Variants in SORBS2 observed in about 807,000 individuals in gnomAD.
SORBS2 encodes sorbin and SH3 domain containing 2, also known as sorbin and SH3 domain-containing protein 2.
Under a neutral mutation model 97.7 loss-of-function variants are expected in SORBS2, and 46 were observed. The ratio of observed to expected loss-of-function variants is 0.47; its 90% confidence interval spans 0.37 to 0.60. The LOEUF is 0.60. SORBS2 is among the 20% of genes least tolerant of loss of function. SORBS2 has a pLI of 0.00. For synonymous variants in SORBS2, 476 were observed against 473.4 expected (o/e 1.01, Z -0.07); for missense variants, 1,316 against 1,282.3 (o/e 1.03, Z -0.40).
intron 9 of SORBS2, among the ~76,000 whole-genome samples, chr4:185,615,780 G>A (rs2096617485): frequency 6.6e-6 from 1 of 152,096 alleles, no homozygotes; most frequent in African/African-American, 2.4e-5. Flanking sequence ...TGTGTTTTAA[G>A]TGCAAAGACA....
chr4:185,829,590 C>T (rs146722838), intron 1 of SORBS2, among the ~76,000 whole-genome samples: 4 of 152,112 alleles, frequency 2.6e-5, no homozygotes, highest in African/African-American at 9.7e-5. Flanking sequence ...ACACACAAAC[C>T]AAGAGATGAC....
At chr4:185,673,100 G>A (rs2097738486) in intron 4 of SORBS2, among the ~76,000 whole-genome samples, 1 of 152,224 alleles carries the variant, frequency 6.6e-6, no homozygotes, top group South Asian at 2.1e-4. Context: ...CTTATACCAA[G>A]TGAAGGCCTG....
At chr4:185,713,261 C>G (rs2098438981) in intron 2 of SORBS2, among the ~76,000 whole-genome samples, 1 of 152,204 alleles carries the variant, frequency 6.6e-6, no homozygotes, top group Non-Finnish European at 1.5e-5. Flanking sequence ...CCCCAGGTCT[C>G]TCCTTGAGTT....
intron 1 of SORBS2, among the ~76,000 whole-genome samples, chr4:185,816,449 G>T (rs564012527): frequency 1.3e-5 from 2 of 152,264 alleles, no homozygotes; most frequent in Admixed American, 6.5e-5. Flanking sequence ...TATCCCAAAG[G>T]TTATTCCAAA....
chr4:185,751,744 A>T (rs1410881643), intron 2 of SORBS2, among the ~76,000 whole-genome samples: 1 of 152,220 alleles, frequency 6.6e-6, no homozygotes, highest in Middle Eastern at 3.2e-3. Context: ...GATGCCTGAC[A>T]TTCCACAGGA....
chr4:185,640,664 T>A (rs1203125130), intron 4 of SORBS2, among the ~76,000 whole-genome samples: 1 of 152,208 alleles, frequency 6.6e-6, no homozygotes, highest in Non-Finnish European at 1.5e-5. Context: ...TAGTATTAAT[T>A]GAGATTTTAA....
chr4:185,797,454 CTT>C (rs2099110270), intron 1 of SORBS2, among the ~76,000 whole-genome samples: 1 of 152,148 alleles, frequency 6.6e-6, no homozygotes, highest in Non-Finnish European at 1.5e-5. Context: ...GGTTCTCTCT[CTT>C]TCTCTCTTTT....
intron 2 of SORBS2, among the ~76,000 whole-genome samples, chr4:185,699,562 T>C (rs6552909): frequency 0.77 from 117,661 of 152,072 alleles, 45,633 homozygotes; most frequent in East Asian, 0.9. Flanking sequence ...GCTGGGATTA[T>C]GGGTGTGAGC....
At position 185,636,783 on chromosome 4, in the gene SORBS2, G is replaced by A. The variant is rs192260865; in HGVS notation, c.397-6185C>T. ...CCTGCCTCGGTCTCCCAAGTAGCTG[G>A]GACTACAGGCACCCGCCACCATGCC... On this transcript the variant is annotated intron_variant, in intron 4 of 14. Coordinates refer to ENST00000418609, the Ensembl canonical transcript of SORBS2. 2.5e-4 allele frequency among the ~76,000 whole-genome samples: 38 copies of A among 152,116 alleles called. No individual in the cohort carries two copies. In the East Asian group the frequency reaches 7.0e-3, roughly 28 times the overall value.
intron 4 of SORBS2, among the ~76,000 whole-genome samples, chr4:185,641,274 A>G (rs927382447): frequency 6.6e-6 from 1 of 152,194 alleles, no homozygotes; most frequent in African/African-American, 2.4e-5. Flanking sequence ...ATGCATGCCA[A>G]TAGAAATTAG....
At chr4:185,816,066 A>G (rs1181289124) in intron 1 of SORBS2, among the ~76,000 whole-genome samples, 1 of 152,184 alleles carries the variant, frequency 6.6e-6, no homozygotes, top group Non-Finnish European at 1.5e-5. Flanking sequence ...TGAGGAGGCT[A>G]CTCTGGTAGA....
At chr4:185,591,497 G>A (rs1038996408) in intron 13 of SORBS2, among the ~76,000 whole-genome samples, 11 of 152,132 alleles carry the variant, frequency 7.2e-5, no homozygotes, top group African/African-American at 2.7e-4. Flanking sequence ...CTTTGCTAGG[G>A]GTAGTCCATT....
chr4:185,836,644 C>T (rs2099208248), intron 1 of SORBS2, among the ~76,000 whole-genome samples: 1 of 152,126 alleles, frequency 6.6e-6, no homozygotes, highest in South Asian at 2.1e-4. Context: ...GCCAAGGTCA[C>T]ACAAATAGAA....
At chr4:185,707,242 G>A (rs1033524700) in intron 2 of SORBS2, among the ~76,000 whole-genome samples, 2 of 152,150 alleles carry the variant, frequency 1.3e-5, no homozygotes, top group Admixed American at 6.5e-5. Flanking sequence ...CCACAGGGAA[G>A]GTACAAGGTC....
At chr4:185,928,835 C>G (rs573359840) in intron 1 of SORBS2, among the ~76,000 whole-genome samples, 1 of 152,286 alleles carries the variant, frequency 6.6e-6, no homozygotes, top group African/African-American at 2.4e-5. Flanking sequence ...CGTGAGCCAC[C>G]GCGCCTGGCC....
At chr4:185,663,589 C>A (rs1382889717) in intron 4 of SORBS2, among the ~76,000 whole-genome samples, 2 of 152,198 alleles carry the variant, frequency 1.3e-5, no homozygotes, top group Non-Finnish European at 2.9e-5. Flanking sequence ...ATCTTCAGAG[C>A]TTTTATGTAC....
chr4:185,601,731 ATCAT>A (rs1201499016), intron 12 of SORBS2, among the ~76,000 whole-genome samples: 3 of 152,154 alleles, frequency 2.0e-5, no homozygotes, highest in Non-Finnish European at 4.4e-5. Context: ...AATGATGTGG[ATCAT>A]AACAGCTGGA....
At chr4:185,927,506 A>G (rs77553378) in intron 1 of SORBS2, among the ~76,000 whole-genome samples, 2 of 150,636 alleles carry the variant, frequency 1.3e-5, no homozygotes, top group Admixed American at 6.6e-5. Context: ...TCATTGTTCA[A>G]CTCCCAGTTA....
chr4:185,795,811 C>T (rs1584970209), intron 1 of SORBS2, among the ~76,000 whole-genome samples: 1 of 152,150 alleles, frequency 6.6e-6, no homozygotes, highest in African/African-American at 2.4e-5. Context: ...ATATCTCCAT[C>T]TCAGAAAGTC....
Sources: gnomAD v4.1 joint callset for allele counts (sites outside exome capture counted in the v4.1 genomes callset) on GRCh38, gnomAD v4.1.1 for gene constraint, MANE v1.5 for transcripts, NCBI Gene and HGNC (gene_info 2026-07-23, HGNC 2026-07-21) for gene names.